The following SLIT3 variants were observed in gnomAD, a reference collection of about 807,000 sequenced individuals.
SLIT3 encodes slit guidance ligand 3.
SLIT3 carries 68 observed loss-of-function variants against 184.0 expected under a neutral mutation model. The observed-to-expected ratio is 0.37, with a 90% CI of 0.30 to 0.45. SLIT3 has a LOEUF of 0.45. Among genes scored for constraint, SLIT3 ranks in the 20% least tolerant of loss-of-function variants. The pLI is 1.00. For synonymous variants in SLIT3, 831 were observed against 828.6 expected (o/e 1.00, Z -0.05); for missense variants, 1,707 against 2,026.0 (o/e 0.84, Z 3.02).
At chr5:169,188,840 G>A (rs1020812857) in intron 4 of SLIT3, among the ~76,000 whole-genome samples, 2 of 152,176 alleles carry the variant, frequency 1.3e-5, no homozygotes, top group African/African-American at 4.8e-5. Context: ...GACAAGAGAG[G>A]TTAAGTAACT....
intron 18 of SLIT3, chr5:168,752,618 T>C (rs1276095109): frequency 5.2e-5 from 12 of 230,336 alleles, no homozygotes; most frequent in Admixed American, 4.1e-4. Flanking sequence ...TGGTTTCGAA[T>C]TCCTCACCTC....
At chr5:169,134,047 T>G (rs985430830) in intron 4 of SLIT3, among the ~76,000 whole-genome samples, 1 of 152,240 alleles carries the variant, frequency 6.6e-6, no homozygotes, top group Non-Finnish European at 1.5e-5. Context: ...ATGCAGGTTT[T>G]CTAAATGTGC....
At chr5:168,977,139 C>T (rs62377255) in intron 4 of SLIT3, among the ~76,000 whole-genome samples, 9,633 of 152,162 alleles carry the variant, frequency 0.063, 354 homozygotes, top group African/African-American at 0.095. Context: ...TAACCTCAAC[C>T]CAAAAGTTTA....
chr5:168,963,787 C>T (rs1763093878), intron 4 of SLIT3, among the ~76,000 whole-genome samples: 1 of 152,210 alleles, frequency 6.6e-6, no homozygotes. Context: ...TGACCTTCAT[C>T]TTCAAACCTC....
chr5:169,141,371 T>C (rs1321579584), intron 4 of SLIT3, among the ~76,000 whole-genome samples: 1 of 152,198 alleles, frequency 6.6e-6, no homozygotes, highest in Non-Finnish European at 1.5e-5. Flanking sequence ...GAAAAGGTTT[T>C]GTCCAGGCCT....
chr5:168,999,239 A>G (rs759033646), intron 4 of SLIT3, among the ~76,000 whole-genome samples: 4 of 152,012 alleles, frequency 2.6e-5, no homozygotes, highest in African/African-American at 9.7e-5. Context: ...CAAGTATGAG[A>G]GCCTCTGGTA....
At position 168,795,494 on chromosome 5, in the gene SLIT3, A is replaced by G; in HGVS notation, c.1007+13T>C. ...AAAACATTTGGGCCCATTTCTCCAC[A>G]GGGGAAACTCACATTCGCTTCAGTT... On this transcript the variant is annotated intron_variant, in intron 10 of 35. Transcript: ENST00000519560. The G allele has an allele frequency of 6.2e-7, 1 of 1,605,086 alleles. No individual in the cohort carries two copies. The highest frequency in any genetic ancestry group is 1.1e-5 in the South Asian group (1 of 90,886).
chr5:168,973,942 G>A (rs1476581484), intron 4 of SLIT3, among the ~76,000 whole-genome samples: 3 of 152,162 alleles, frequency 2.0e-5, no homozygotes, highest in African/African-American at 7.2e-5. Context: ...GGGAAAAGTT[G>A]GATTCCTTGC....
intron 9 of SLIT3, among the ~76,000 whole-genome samples, chr5:168,801,721 C>A (rs1412924720): frequency 6.6e-6 from 1 of 151,998 alleles, no homozygotes. Context: ...GAAGCCAGAG[C>A]TGGTTCAGAG....
chr5:169,083,668 C>T (rs1043119547), intron 4 of SLIT3, among the ~76,000 whole-genome samples: 4 of 152,182 alleles, frequency 2.6e-5, no homozygotes, highest in African/African-American at 4.8e-5. Flanking sequence ...AGACCAAACA[C>T]GGTCAGGGCT....
chr5:168,817,500 A>T (rs772770783), intron 7 of SLIT3, 37 bp from the exon 8 acceptor site: 2 of 1,558,100 alleles, frequency 1.3e-6, no homozygotes, highest in East Asian at 4.7e-5. Flanking sequence ...GCATGGTCAC[A>T]GGTGAAGTGT....
chr5:168,939,639 C>T (rs776684054), intron 4 of SLIT3, among the ~76,000 whole-genome samples: 7 of 152,230 alleles, frequency 4.6e-5, no homozygotes, highest in African/African-American at 7.2e-5. Context: ...TTCAGATGTA[C>T]ACAATCTTAA....
At chr5:168,671,056 AAGCAGTTACACT>A (rs1447697360) in intron 34 of SLIT3, 130 bp downstream of exon 34, 89 of 908,624 alleles carry the variant, frequency 9.8e-5, no homozygotes, top group Non-Finnish European at 1.2e-4. Flanking sequence ...TTGACCTCTT[AAGCAGTTACACT>A]TACACAGATC....
chr5:168,811,861 G>A (rs1022676269), intron 8 of SLIT3, among the ~76,000 whole-genome samples: 1 of 152,178 alleles, frequency 6.6e-6, no homozygotes, highest in African/African-American at 2.4e-5. Flanking sequence ...CTACTACTGG[G>A]TACATATCCA....
intron 3 of SLIT3, among the ~76,000 whole-genome samples, chr5:169,209,796 G>A (rs183521512): frequency 1.6e-3 from 243 of 152,176 alleles, no homozygotes; most frequent in Admixed American, 3.0e-3. Context: ...GGATCTGTCG[G>A]GGGTAGGGGG....
At chr5:168,726,149 T>C (rs1406115048) in intron 20 of SLIT3, among the ~76,000 whole-genome samples, 1 of 151,908 alleles carries the variant, frequency 6.6e-6, no homozygotes, top group Non-Finnish European at 1.5e-5. Flanking sequence ...TCAGGGAGCC[T>C]AAAATTCAGT....
intron 4 of SLIT3, among the ~76,000 whole-genome samples, chr5:169,145,270 T>C (rs775944208): frequency 1.3e-5 from 2 of 152,032 alleles, no homozygotes; most frequent in Non-Finnish European, 2.9e-5. Flanking sequence ...TCCTGTCTCC[T>C]GGACTACAGA....
chr5:169,263,818 G>T (rs1239085317), intron 1 of SLIT3: 6 of 365,450 alleles, frequency 1.6e-5, no homozygotes, highest in East Asian at 1.1e-4. Flanking sequence ...TCATCACGTT[G>T]CCTTGCTGCT....
At chr5:169,042,739 G>A (rs999162111) in intron 4 of SLIT3, among the ~76,000 whole-genome samples, 34 of 152,284 alleles carry the variant, frequency 2.2e-4, no homozygotes, top group Admixed American at 1.9e-3. Context: ...TTGCCAACCC[G>A]AGAATCAAAC....
Sources: allele counts gnomAD v4.1 joint callset (sites outside exome capture counted in the v4.1 genomes callset), GRCh38; gene constraint gnomAD v4.1.1; transcripts MANE v1.5; gene names NCBI Gene and HGNC (gene_info 2026-07-23, HGNC 2026-07-21).